The following NEDD4L variants were observed in gnomAD, a reference collection of about 807,000 sequenced individuals.
The protein encoded by NEDD4L is E3 ubiquitin-protein ligase NEDD4-like.
Under a neutral mutation model 148.9 loss-of-function variants are expected in NEDD4L, and 54 were observed. That is an observed-to-expected ratio of 0.36 (90% CI 0.29 to 0.45). The LOEUF (loss-of-function observed/expected upper bound fraction) is 0.45. Ranked by LOEUF, NEDD4L falls within the 20% of genes least tolerant of loss-of-function variation. NEDD4L has a pLI of 1.00. For synonymous variants in NEDD4L, 433 were observed against 440.7 expected (o/e 0.98, Z 0.22); for missense variants, 856 against 1,233.8 (o/e 0.69, Z 4.59).
At chr18:58,392,743 T>C (rs896507451) in intron 30 of NEDD4L, among the ~76,000 whole-genome samples, 2 of 152,190 alleles carry the variant, frequency 1.3e-5, no homozygotes, top group Admixed American at 6.5e-5. Flanking sequence ...CCAAGTCATA[T>C]GTGGTTTTCT....
chr18:58,259,306 A>G (rs1190127741), intron 5 of NEDD4L, among the ~76,000 whole-genome samples: 2 of 152,244 alleles, frequency 1.3e-5, no homozygotes, highest in African/African-American at 4.8e-5. Flanking sequence ...TCAGTAGACA[A>G]GAATTCATTC....
intron 23 of NEDD4L, among the ~76,000 whole-genome samples, chr18:58,371,274 C>G (rs926338748): frequency 1.4e-5 from 2 of 140,886 alleles, no homozygotes; most frequent in Non-Finnish European, 3.0e-5. Flanking sequence ...AGGATGGTCT[C>G]GATCTCCTGA....
chr18:58,159,953 G>A lies in NEDD4L; in HGVS notation c.49-5835G>A, dbSNP rs180777314. Reference sequence around the variant, plus strand: ...TGGTGTACGTGATCCTGGGGTCACAGTGGCTCCCTGTGCAGGAAGAACACT... The same window carrying A: ...TGGTGTACGTGATCCTGGGGTCACAATGGCTCCCTGTGCAGGAAGAACACT... On this transcript the variant is annotated intron_variant, in intron 1 of 30. Coordinates refer to ENST00000400345, the MANE Select transcript of NEDD4L (RefSeq NM_001144967.3). 2.6e-5 allele frequency among the ~76,000 whole-genome samples: 4 copies of A among 152,342 alleles called. No individual in the cohort carries two copies. The East Asian group carries it at 7.7e-4, about 29-fold the overall frequency.
At position 58,329,005 on chromosome 18, in the gene NEDD4L, T is replaced by C; in HGVS notation, c.691T>C (p.Ser231Pro). ...TTCCTGCATGCTCAGGGACGTGTCC[T>C]CGGAGTCGGACAATAACATCAGACA... ...WHRPSLMDVS[S>P]ESDNNIRQIN... is the part of the protein sequence containing the mutation. The change falls in exon 10 of 31, where the codon TCG becomes CCG. Residue 231 changes from serine (S) to proline (P), a missense_variant. Ser to Pro is a moderately conservative substitution (Grantham distance 74, BLOSUM62 -1). Coordinates refer to ENST00000400345, the MANE Select transcript of NEDD4L (RefSeq NM_001144967.3). The C allele has an allele frequency of 6.2e-7, 1 of 1,614,004 alleles. No individual in the cohort carries two copies. Among genetic ancestry groups the C allele is most frequent in the Non-Finnish European group, 8.5e-7 (1 of 1,179,872 alleles).
chr18:58,198,627 G>T (rs1274824597), intron 2 of NEDD4L, among the ~76,000 whole-genome samples: 2 of 152,178 alleles, frequency 1.3e-5, no homozygotes, highest in Non-Finnish European at 2.9e-5. Context: ...TGGTTTGGCT[G>T]CTAGTTATAG....
At chr18:58,307,020 T>C (rs891925715) in intron 5 of NEDD4L, among the ~76,000 whole-genome samples, 2 of 152,196 alleles carry the variant, frequency 1.3e-5, no homozygotes, top group African/African-American at 4.8e-5. Context: ...CCTGAGTTTC[T>C]CCCCAGAGTA....
intron 5 of NEDD4L, among the ~76,000 whole-genome samples, chr18:58,294,255 G>C (rs1204690319): frequency 3.3e-5 from 5 of 152,202 alleles, no homozygotes; most frequent in African/African-American, 9.6e-5. Context: ...AGATAAATGA[G>C]AAGGTTTTCG....
intron 5 of NEDD4L, among the ~76,000 whole-genome samples, chr18:58,285,007 G>A (rs192519626): frequency 2.6e-5 from 4 of 152,262 alleles, no homozygotes; most frequent in South Asian, 2.1e-4. Flanking sequence ...TCTCATCTAC[G>A]TGCTCATAAA....
At chr18:58,305,653 A>C (rs1233653643) in intron 5 of NEDD4L, among the ~76,000 whole-genome samples, 1 of 152,230 alleles carries the variant, frequency 6.6e-6, no homozygotes, top group African/African-American at 2.4e-5. Context: ...AGACTCCGAA[A>C]TCTAGTTAAT....
intron 1 of NEDD4L, among the ~76,000 whole-genome samples, chr18:58,065,126 C>A (rs558611140): frequency 6.6e-6 from 1 of 152,196 alleles, no homozygotes; most frequent in Non-Finnish European, 1.5e-5. Context: ...ACATCTTGTG[C>A]ATTTCTTGCT....
In NEDD4L at chr18:58,389,140, T is replaced by A; in HGVS notation, c.2603T>A (p.Ile868Asn). 6.2e-7 allele frequency: 1 copy of A among 1,614,022 alleles called. No individual in the cohort carries two copies. Among genetic ancestry groups the A allele is most frequent in the Non-Finnish European group, 8.5e-7 (1 of 1,179,878 alleles). Reference protein sequence around the residue: ...VDVNDWRQHSIYKNGYCPNHP... With the variant: ...VDVNDWRQHSNYKNGYCPNHP... ...GTGAATGACTGGAGACAGCATTCTA[T>A]TTACAAGAACGGCTACTGCCCAAAC... is the stretch of plus-strand genomic sequence containing the variant. The change falls in exon 28 of 31, where the codon ATT becomes AAT. Residue 868 changes from isoleucine (I) to asparagine (N), a missense_variant. Transcript: ENST00000400345.
intron 1 of NEDD4L, among the ~76,000 whole-genome samples, chr18:58,084,872 T>C (rs2083674521): frequency 6.6e-6 from 1 of 151,910 alleles, no homozygotes; most frequent in Admixed American, 6.6e-5. Context: ...GTTTCGTAAT[T>C]TTGGTAGAGA....
chr18:58,220,323 T>C (rs1294833672), intron 2 of NEDD4L, among the ~76,000 whole-genome samples: 1 of 152,092 alleles, frequency 6.6e-6, no homozygotes, highest in Non-Finnish European at 1.5e-5. Context: ...CAAGAATTGC[T>C]TAAACCCCAG....
intron 1 of NEDD4L, among the ~76,000 whole-genome samples, chr18:58,151,217 G>C (rs1009240709): frequency 6.6e-5 from 10 of 152,292 alleles, no homozygotes; most frequent in African/African-American, 2.2e-4. Flanking sequence ...TCAAGGGAAA[G>C]AAACATGCTG....
At chr18:58,045,162 C>G (rs907707362) in intron 1 of NEDD4L, 4 of 399,008 alleles carry the variant, frequency 1.0e-5, no homozygotes, top group Non-Finnish European at 1.8e-5. Context: ...CTGGAACTTT[C>G]TCTCTCATGA....
intron 2 of NEDD4L, among the ~76,000 whole-genome samples, chr18:58,200,622 C>T (rs1387638398): frequency 6.6e-6 from 1 of 152,156 alleles, no homozygotes; most frequent in Non-Finnish European, 1.5e-5. Context: ...TAAAGTACTA[C>T]TGGAGATTGT....
At chr18:58,383,059 C>T (rs1013403562) in intron 24 of NEDD4L, among the ~76,000 whole-genome samples, 187 bp from the exon 25 acceptor site, 1 of 152,146 alleles carries the variant, frequency 6.6e-6, no homozygotes, top group African/African-American at 2.4e-5. Context: ...TTAATGATAG[C>T]ATCTTTAACT....
At chr18:58,194,683 T>C (rs899151790) in intron 2 of NEDD4L, among the ~76,000 whole-genome samples, 1 of 152,092 alleles carries the variant, frequency 6.6e-6, no homozygotes, top group African/African-American at 2.4e-5. Flanking sequence ...TTGGCCTCCC[T>C]AATCTGTTGG....
chr18:58,048,346 A>G (rs1265235986), intron 1 of NEDD4L, among the ~76,000 whole-genome samples: 1 of 152,216 alleles, frequency 6.6e-6, no homozygotes, highest in East Asian at 1.9e-4. Flanking sequence ...TCAGTTTAAG[A>G]TGCTGTCACT....
Sources: allele counts gnomAD v4.1 joint callset (sites outside exome capture counted in the v4.1 genomes callset), GRCh38; gene constraint gnomAD v4.1.1; transcripts MANE v1.5; gene names NCBI Gene and HGNC (gene_info 2026-07-23, HGNC 2026-07-21).